Variants in NUDT8 observed in about 807,000 individuals in gnomAD.
NUDT8 encodes nudix hydrolase 8.
A neutral mutation model predicts 12.5 loss-of-function variants in NUDT8; 14 were observed. That is an observed-to-expected ratio of 1.12 (90% confidence interval 0.74 to 1.75). NUDT8 has a LOEUF of 1.75. NUDT8 is among the 40% of genes most tolerant of loss of function. The pLI, the probability that NUDT8 is intolerant of heterozygous loss-of-function variation, is 0.00. For missense variants in NUDT8, 337 were observed against 318.5 expected, an observed-to-expected ratio of 1.06 and a Z score of -0.44; for synonymous variants, 163 against 156.2, an observed-to-expected ratio of 1.04 and a Z score of -0.33.
chr11:67,629,715 T>C lies in NUDT8; in HGVS notation c.194+3A>G, dbSNP rs374696299. 1,282 of 1,508,452 alleles carry C rather than the reference T, an allele frequency of 8.5e-4. 1 individual carries two copies. The highest frequency in any genetic ancestry group is 1.1e-3 in the Non-Finnish European group (1,225 of 1,129,754). 93.4% of individuals were successfully genotyped at this position (1,508,452 alleles called of 1,614,324 possible). The stretch of plus-strand genomic sequence containing the variant: ...AAGGGCGAGGAGTTCCCGGCCGCTG[T>C]ACCTGACGTCGCCCTTGTGCCTCCC... On this transcript the variant is annotated splice_donor_region_variant and intron_variant, in intron 1 of 3. Coordinates refer to ENST00000376693, the MANE Select transcript of NUDT8 (RefSeq NM_001243750.2).
chr11:67,629,652 A>G, intron 1 of NUDT8, 66 bp downstream of exon 1: 1 of 969,036 alleles, frequency 1.0e-6, no homozygotes, highest in African/African-American at 1.7e-5. Flanking sequence ...GCCCTGCCAG[A>G]GGTCCCTGCC....
Position 67,629,831 on chromosome 11 carries a change from C to T in NUDT8, c.81G>A (p.Ala27=). The change falls in exon 1 of 4, where the codon GCG becomes GCA. Residue 27 remains alanine (A), a synonymous_variant. Coordinates refer to ENST00000376693, the MANE Select transcript of NUDT8 (RefSeq NM_001243750.2). ...LLAGATARLR[A]RPASAAVLVP... ...CGAGCACCGCGGCCGACGCGGGCCG[C>T]GCGCGGAGCCGGGCCGTGGCCCCTG... The T allele has an allele frequency of 7.3e-7, 1 of 1,362,770 alleles. No individual in the cohort carries two copies. The highest frequency in any genetic ancestry group is 9.4e-7 in the Non-Finnish European group (1 of 1,058,672). 84.4% of individuals were successfully genotyped at this position (1,362,770 alleles called of 1,614,324 possible).
At chr11:67,628,465 A>T in intron 2 of NUDT8, 65 bp from the exon 3 acceptor site, 1 of 1,409,444 alleles carries the variant, frequency 7.1e-7, no homozygotes, top group Non-Finnish European at 9.9e-7. Context: ...TGGGGAGGGG[A>T]GTGTGAGAGG....
chr11:67,628,195 G>C lies in NUDT8; in HGVS notation c.462C>G (p.Gly154=). The C allele has an allele frequency of 6.2e-7, 1 of 1,610,916 alleles. No homozygotes were observed. Among genetic ancestry groups the C allele is most frequent in the Non-Finnish European group, 8.5e-7 (1 of 1,179,826 alleles). ...GGCCACCCCGGCAGAAGTGGGTATA[G>C]CCCTGATTCTGCGTCTGCAGCAGGT... ...LAHLLQTQNQ[G]YTHFCRGGHF... is the part of the protein sequence containing the mutation. Residue 154 remains glycine (G), a synonymous_variant, in exon 4 of 4, where the codon GGC becomes GGG. Transcript: ENST00000376693.
Position 67,628,030 on chromosome 11 carries a change from C to T in NUDT8, c.627G>A (p.Gly209=). ...GCTTAGGGCGGGCCAGACCCTCAGC[C>T]CCTGAGCAGGTCAGGCCGGCCAGGC... The part of the protein sequence containing the change: ...QPRLAGLTCS[G]AEGLARPKQP... The change falls in exon 4 of 4, where the codon GGG becomes GGA. Residue 209 remains glycine (G), a synonymous_variant. Transcript: ENST00000376693. 6.3e-7 allele frequency: 1 copy of T among 1,598,328 alleles called. No individual in the cohort carries two copies. Among genetic ancestry groups the T allele is most frequent in the Admixed American group, 1.7e-5 (1 of 60,016 alleles).
chr11:67,629,873 G>T lies in NUDT8; in HGVS notation c.39C>A (p.Arg13=). The T allele has an allele frequency of 8.0e-7, 1 of 1,248,816 alleles. No individual in the cohort carries two copies. Among genetic ancestry groups the T allele is most frequent in the South Asian group, 3.6e-5 (1 of 27,566 alleles). 77.4% of individuals were successfully genotyped at this position (1,248,816 alleles called of 1,614,324 possible). ...PDCLSAEGEL[R]CRRLLAGATA... The stretch of plus-strand genomic sequence containing the variant: ...TGGCCCCTGCCAGCAGCCGGCGGCA[G>T]CGCAGCTCGCCCTCGGCCGACAGGC... Residue 13 remains arginine (R), a synonymous_variant, in exon 1 of 4, where the codon CGC becomes CGA. Coordinates refer to ENST00000376693, the MANE Select transcript of NUDT8 (RefSeq NM_001243750.2).
rs368280015 is a variant in NUDT8 at position 67,629,003 on chromosome 11, C to T, written c.243G>A (p.Thr81=). Reference sequence around the variant, plus strand: ...GCTCCTCCCGGGTTTCCCGCAGGGCCGTGTGCACCACATCTTGGTCAGCCG... The same window carrying T: ...GCTCCTCCCGGGTTTCCCGCAGGGCTGTGTGCACCACATCTTGGTCAGCCG... ...CDPADQDVVH[T]ALRETREELG... Residue 81 remains threonine, a synonymous_variant, in exon 2 of 4, where the codon ACG becomes ACA. Transcript: ENST00000376693. 14 of 1,612,902 alleles carry T rather than the reference C, an allele frequency of 8.7e-6. No individual in the cohort carries two copies. The highest frequency in any genetic ancestry group is 1.2e-5 in the Non-Finnish European group (14 of 1,179,854).
At chr11:67,629,473 C>A in intron 1 of NUDT8, 1 of 404,404 alleles carries the variant, frequency 2.5e-6, no homozygotes. Flanking sequence ...CCCAGGCGTG[C>A]GCGCAAGGAC....
rs757430805 is a variant in NUDT8, at chr11:67,628,900, C to A, written c.327+19G>T. 2.4e-5 allele frequency: 39 copies of A among 1,593,366 alleles called. No individual in the cohort carries two copies. Among genetic ancestry groups the A allele is most frequent in the Non-Finnish European group, 3.3e-5 (39 of 1,166,094 alleles). On this transcript the variant is annotated intron_variant, in intron 2 of 3. Coordinates refer to ENST00000376693, the MANE Select transcript of NUDT8 (RefSeq NM_001243750.2). ...AGAGTGAGTGAATGGGGTGGGGTGG[C>A]CTCAGCCAAGTGGCTTACCGGATCA... is the stretch of plus-strand genomic sequence containing the variant.
intron 1 of NUDT8, 69 bp from the exon 2 acceptor site, chr11:67,629,120 C>G (rs1044154337): frequency 1.4e-6 from 2 of 1,452,930 alleles, no homozygotes; most frequent in Non-Finnish European, 1.9e-6. Flanking sequence ...ATCGGCAGTG[C>G]GGGGGGGGCC....
intron 1 of NUDT8, 38 bp downstream of exon 1, chr11:67,629,680 G>T: frequency 1.5e-6 from 2 of 1,305,414 alleles, no homozygotes; most frequent in Non-Finnish European, 1.0e-6. Context: ...GGCTCCTGTA[G>T]CCTCCGGCAA....
rs1243870938 is a variant in NUDT8 at position 67,629,845 on chromosome 11, C to T, written c.67G>A (p.Ala23Thr). 1 of 1,282,188 alleles carries T rather than the reference C, an allele frequency of 7.8e-7. No homozygotes were observed. The highest frequency in any genetic ancestry group is 9.8e-7 in the Non-Finnish European group (1 of 1,022,178). 79.4% of individuals were successfully genotyped at this position (1,282,188 alleles called of 1,614,324 possible). A position where few individuals can be genotyped will look rare whatever the true frequency, so the allele number is the denominator to read the frequency against. ...GACGCGGGCCGCGCGCGGAGCCGGG[C>T]CGTGGCCCCTGCCAGCAGCCGGCGG... ...RCRRLLAGAT[A>T]RLRARPASAA... The change falls in exon 1 of 4, where the codon GCC becomes ACC. Residue 23 changes from alanine to threonine, a missense_variant. Ala to Thr is a moderately conservative substitution (Grantham distance 58). Transcript: ENST00000376693.
intron 1 of NUDT8, 24 bp downstream of exon 1, chr11:67,629,694 G>A: frequency 1.4e-6 from 2 of 1,405,740 alleles, no homozygotes; most frequent in Non-Finnish European, 9.4e-7. Flanking sequence ...CCGGCAAAGG[G>A]CGAGGAGTTC....
At chr11:67,629,273 G>A in intron 1 of NUDT8, 1 of 480,710 alleles carries the variant, frequency 2.1e-6, no homozygotes, top group East Asian at 3.4e-5. Flanking sequence ...GGATAAGAGG[G>A]TCTGCAGCAG....
Position 67,629,000 on chromosome 11 carries a change from G to GGCCGTGTGCACCACATCTTGGTCA in NUDT8, c.222_245dup (p.Asp75_Ala82dup). The GGCCGTGTGCACCACATCTTGGTCA allele has an allele frequency of 6.2e-7, 1 of 1,613,052 alleles. No homozygotes were observed. Among genetic ancestry groups the GGCCGTGTGCACCACATCTTGGTCA allele is most frequent in the Admixed American group, 1.7e-5 (1 of 60,026 alleles). Reference sequence around the variant, plus strand: ...CCAGCTCCTCCCGGGTTTCCCGCAGGGCCGTGTGCACCACATCTTGGTCAG... The same window carrying GGCCGTGTGCACCACATCTTGGTCA: ...CCAGCTCCTCCCGGGTTTCCCGCAGGGCCGTGTGCACCACATCTTGGTCAGCCGTGTGCACCACATCTTGGTCAG... On this transcript the variant is annotated inframe_insertion, in exon 2 of 4. Coordinates refer to ENST00000376693, the MANE Select transcript of NUDT8 (RefSeq NM_001243750.2).
chr11:67,628,968 G>C lies in NUDT8; in HGVS notation c.278C>G (p.Ala93Gly). 1 of 1,612,832 alleles carries C rather than the reference G, an allele frequency of 6.2e-7. No individual in the cohort carries two copies. Among genetic ancestry groups the C allele is most frequent in the Non-Finnish European group, 8.5e-7 (1 of 1,179,786 alleles). The change falls in exon 2 of 4, where the codon GCA becomes GGA. Residue 93 changes from alanine (A) to glycine (G), a missense_variant. By Grantham distance (60) the Ala-to-Gly change is moderately conservative. Coordinates refer to ENST00000376693, the MANE Select transcript of NUDT8 (RefSeq NM_001243750.2). Reference sequence around the variant, plus strand: ...GCCCCACACGTGCTCCTCGGGCACTGCCAGGCCCAGCTCCTCCCGGGTTTC... The same window carrying C: ...GCCCCACACGTGCTCCTCGGGCACTCCCAGGCCCAGCTCCTCCCGGGTTTC... ...LRETREELGL[A>G]VPEEHVWGLL... is the part of the protein sequence containing the mutation.
rs772310162 is a variant in NUDT8 at position 67,628,102 on chromosome 11, G to C, written c.555C>G (p.Ile185Met). Reference protein sequence around the residue: ...PHRVWGLTAVITEFALQLLAP... With the variant: ...PHRVWGLTAVMTEFALQLLAP... The stretch of plus-strand genomic sequence containing the variant: ...CCAGCAGCTGCAGGGCAAACTCAGT[G>C]ATGACAGCTGTGAGGCCCCAGACCC... Residue 185 changes from isoleucine (I) to methionine (M), a missense_variant, in exon 4 of 4, where the codon ATC becomes ATG. Transcript: ENST00000376693. 31 of 1,598,478 alleles carry C rather than the reference G, an allele frequency of 1.9e-5. No homozygotes were observed. The South Asian group carries it at 3.3e-4, about 17-fold the overall frequency.
chr11:67,628,136 C>T lies in NUDT8; in HGVS notation c.521G>A (p.Gly174Glu), dbSNP rs907687704. The T allele has an allele frequency of 2.5e-6, 4 of 1,600,238 alleles. No individual in the cohort carries two copies. In the Admixed American group the frequency reaches 6.7e-5, roughly 27 times the overall value. Reference sequence around the variant, plus strand: ...TGTGAGGCCCCAGACCCGGTGTGGTCCATGCAGGAAGACGGGTAGTGTGTA... The same window carrying T: ...TGTGAGGCCCCAGACCCGGTGTGGTTCATGCAGGAAGACGGGTAGTGTGTA... Reference protein sequence around the residue: ...FRYTLPVFLHGPHRVWGLTAV... With the variant: ...FRYTLPVFLHEPHRVWGLTAV... Residue 174 changes from glycine (G) to glutamate (E), a missense_variant, in exon 4 of 4, where the codon GGA becomes GAA. Physicochemically the swap from Gly to Glu is moderately conservative, Grantham distance 98 (BLOSUM62 -2). Coordinates refer to ENST00000376693, the MANE Select transcript of NUDT8 (RefSeq NM_001243750.2).
chr11:67,628,830 T>C (rs1014642023), intron 2 of NUDT8, 89 bp downstream of exon 2: 2 of 1,492,522 alleles, frequency 1.3e-6, no homozygotes, highest in East Asian at 2.3e-5. Context: ...TGGGGGTCCA[T>C]GACCACTCTC....
Sources: gnomAD v4.1 joint callset for allele counts on GRCh38, gnomAD v4.1.1 for gene constraint, MANE v1.5 for transcripts, NCBI Gene and HGNC (gene_info 2026-07-23, HGNC 2026-07-21) for gene names.